Variants in VEGFD observed in about 807,000 individuals in gnomAD.
The protein encoded by VEGFD is c-fos induced growth factor (vascular endothelial growth factor D).
Under a neutral mutation model 28.0 loss-of-function variants are expected in VEGFD, and 26 were observed. The ratio of observed to expected loss-of-function variants is 0.93; its 90% CI spans 0.68 to 1.29. The LOEUF (loss-of-function observed/expected upper bound fraction) is 1.29. Among genes scored for constraint, VEGFD ranks in the 50% most tolerant of loss-of-function variants. The pLI is 0.00. For synonymous variants in VEGFD, 93 were observed against 95.5 expected, an observed-to-expected ratio of 0.97 and a Z score of 0.15; for missense variants, 294 against 273.4, an observed-to-expected ratio of 1.08 and a Z score of -0.53.
intron 1 of VEGFD, among the ~76,000 whole-genome samples, chrX:15,368,092 AAAG>A (rs1468244608): frequency 9.3e-6 from 1 of 107,867 alleles, no homozygotes; most frequent in Admixed American, 9.8e-5. Flanking sequence ...GAAAAGAAAG[AAAG>A]AAAGAAAAGA....
chrX:15,367,098 A>G (rs896580912), intron 1 of VEGFD, among the ~76,000 whole-genome samples: 1 of 111,906 alleles, frequency 8.9e-6, no homozygotes, highest in Non-Finnish European at 1.9e-5. Flanking sequence ...CAGGAGAGCT[A>G]AGGCAGGACC....
At chrX:15,380,975 A>G (rs1923556583) in intron 1 of VEGFD, among the ~76,000 whole-genome samples, 2 of 112,753 alleles carry the variant, frequency 1.8e-5, no homozygotes, top group African/African-American at 6.4e-5. Context: ...GATTATATTA[A>G]TGAACGATGC....
At chrX:15,351,902 C>T (rs1922740571) in intron 5 of VEGFD, among the ~76,000 whole-genome samples, 1 of 112,203 alleles carries the variant, frequency 8.9e-6, no homozygotes, top group Non-Finnish European at 1.9e-5. Context: ...ATATATGACT[C>T]TTATTGTATT....
intron 2 of VEGFD, 39 bp from the exon 3 acceptor site, chrX:15,358,232 G>A (rs761922223): frequency 3.6e-6 from 4 of 1,125,365 alleles, no homozygotes; most frequent in African/African-American, 1.8e-5. Context: ...CTAGCAGGTG[G>A]AATGGTCCTG....
chrX:15,362,621 G>A (rs1923044739), intron 2 of VEGFD, among the ~76,000 whole-genome samples: 1 of 110,872 alleles, frequency 9.0e-6, no homozygotes, highest in African/African-American at 3.3e-5. Flanking sequence ...GTCTCGTCAT[G>A]TTGCCCAGGC....
intron 1 of VEGFD, among the ~76,000 whole-genome samples, chrX:15,383,247 T>C (rs1267201197): frequency 3.6e-5 from 4 of 112,346 alleles, no homozygotes; most frequent in Admixed American, 2.8e-4. Context: ...GGTTAATTTT[T>C]TGCATTACTC....
intron 5 of VEGFD, among the ~76,000 whole-genome samples, chrX:15,348,428 G>A (rs2147734059): frequency 8.9e-6 from 1 of 112,225 alleles, no homozygotes; most frequent in Admixed American, 9.4e-5. Context: ...CCACTGCTTT[G>A]AATGCATTAA....
At chrX:15,346,365 T>C (rs778493271) in intron 6 of VEGFD, 106 bp from the exon 7 acceptor site, 1 of 927,022 alleles carries the variant, frequency 1.1e-6, no homozygotes, top group African/African-American at 2.0e-5. Context: ...ATTTAAAATG[T>C]CAGTATAAAA....
intron 3 of VEGFD, 66 bp downstream of exon 3, chrX:15,357,937 G>T: frequency 1.0e-6 from 1 of 957,360 alleles, no homozygotes; most frequent in Non-Finnish European, 1.5e-6. Context: ...CAACAAGGTT[G>T]TTGTAGCTAT....
intron 1 of VEGFD, among the ~76,000 whole-genome samples, chrX:15,378,233 G>A (rs1223212887): frequency 3.6e-5 from 4 of 112,102 alleles, no homozygotes; most frequent in African/African-American, 9.7e-5. Context: ...CTTATAGGAT[G>A]GCTTGTGCCT....
chrX:15,346,281 A>G (rs1420264775), intron 6 of VEGFD, 22 bp from the exon 7 acceptor site: 1 of 1,199,085 alleles, frequency 8.3e-7, no homozygotes, highest in African/African-American at 1.8e-5. Context: ...GAAAATAAAG[A>G]TGAGAATTCA....
At chrX:15,365,289 T>C (rs1463112975) in intron 1 of VEGFD, among the ~76,000 whole-genome samples, 7 of 111,284 alleles carry the variant, frequency 6.3e-5, no homozygotes, top group African/African-American at 2.0e-4. Context: ...CCTGCCACCA[T>C]GCCCGGCTAA....
At chrX:15,379,734 C>G (rs180981070) in intron 1 of VEGFD, among the ~76,000 whole-genome samples, 2 of 111,969 alleles carry the variant, frequency 1.8e-5, no homozygotes, top group Admixed American at 9.5e-5. Context: ...GCACCTCTAT[C>G]CAATTGTGGT....
At chrX:15,356,385 T>C (rs745540447) in intron 3 of VEGFD, among the ~76,000 whole-genome samples, 7 of 112,173 alleles carry the variant, frequency 6.2e-5, no homozygotes, top group Non-Finnish European at 1.3e-4. Context: ...AGAGATAGTT[T>C]TTAAAAAACT....
intron 3 of VEGFD, among the ~76,000 whole-genome samples, chrX:15,357,470 A>G (rs1922895163): frequency 9.0e-6 from 1 of 111,274 alleles, no homozygotes; most frequent in Non-Finnish European, 1.9e-5. Flanking sequence ...CTGGGTTCCC[A>G]TAACTGCTCC....
At chrX:15,367,039 A>G (rs1234567889) in intron 1 of VEGFD, among the ~76,000 whole-genome samples, 1 of 112,220 alleles carries the variant, frequency 8.9e-6, no homozygotes, top group African/African-American at 3.2e-5. Flanking sequence ...CGGGAGAATT[A>G]TAAGCTGGGG....
Position 15,355,202 on chromosome X carries a change from G to A in VEGFD, c.589C>T (p.Arg197Cys), listed in dbSNP as rs778173575. The A allele has an allele frequency of 1.7e-5, 20 of 1,203,436 alleles. No individual in the cohort carries two copies. The highest frequency in any genetic ancestry group is 5.3e-5 in the African/African-American group (3 of 56,580). The change falls in exon 4 of 7, where the codon CGC (arginine) becomes TGC (cysteine). Residue 197 changes from arginine to cysteine, a missense_variant. Coordinates refer to ENST00000297904, the MANE Select transcript of VEGFD (RefSeq NM_004469.5). ...CTTCTGATAATTGAGTATGGATGGC[G>A]GGGGGCTGTTGGCAAGCACTTACAA... ...TGCKCLPTAPRHPYSIIRRSI... is the reference protein window; with the variant it reads ...TGCKCLPTAPCHPYSIIRRSI...
intron 1 of VEGFD, 107 bp from the exon 2 acceptor site, chrX:15,363,426 A>T (rs1923069800): frequency 1.5e-6 from 1 of 649,921 alleles, no homozygotes; most frequent in Admixed American, 3.4e-5. Context: ...CTGTAATTAG[A>T]GATACTATTG....
intron 5 of VEGFD, among the ~76,000 whole-genome samples, chrX:15,350,813 C>CTT (rs1234186021): frequency 7.8e-5 from 6 of 77,312 alleles, no homozygotes; most frequent in African/African-American, 1.0e-4. Context: ...TTCTTTCTTT[C>CTT]TCTCTCTCTC....
Sources: gnomAD v4.1 joint callset for allele counts (sites outside exome capture counted in the v4.1 genomes callset) on GRCh38, gnomAD v4.1.1 for gene constraint, MANE v1.5 for transcripts, NCBI Gene and HGNC (gene_info 2026-07-23, HGNC 2026-07-21) for gene names.